The following TAFA1 variants were observed in gnomAD, a reference collection of about 807,000 sequenced individuals.
The protein encoded by TAFA1 is chemokine-like protein TAFA-1.
Under a neutral mutation model 18.5 loss-of-function variants are expected in TAFA1, and 4 were observed. The ratio of observed to expected loss-of-function variants is 0.22; its 90% confidence interval spans 0.11 to 0.49. TAFA1 has a LOEUF of 0.49. TAFA1 is among the 20% of genes least tolerant of loss of function. The pLI is 0.98. For synonymous variants in TAFA1, 56 were observed against 55.2 expected (o/e 1.01, Z -0.06); for missense variants, 147 against 169.0 (o/e 0.87, Z 0.72).
In TAFA1 at chr3:68,331,856, CTTTTTTTTTT is replaced by C. The variant is rs60291932; in HGVS notation, c.119-85408_119-85399del. ...TGGGTAAAGGATAGTCTTTTCTTTT[CTTTTTTTTTT>C]TTTTTTTTTTTTTTTGAGACGGAGT... On this transcript the variant is annotated intron_variant, in intron 2 of 4. Coordinates refer to ENST00000478136, the MANE Select transcript of TAFA1 (RefSeq NM_213609.4). Among the ~76,000 whole-genome samples, 243 of 76,218 alleles carry C rather than the reference CTTTTTTTTTT, an allele frequency of 3.2e-3. 2 individuals are homozygous for C. In the Admixed American group the frequency reaches 0.034, roughly 11 times the overall value. 50.0% of individuals were successfully genotyped at this position (76,218 alleles called of 152,430 possible).
chr3:68,541,323 TA>T, intron 4 of TAFA1, among the ~76,000 whole-genome samples: 1 of 152,180 alleles, frequency 6.6e-6, no homozygotes, highest in Non-Finnish European at 1.5e-5. Context: ...GAGCACCAAC[TA>T]AGTCCAGATG....
chr3:68,063,596 G>A (rs913251749), intron 2 of TAFA1, among the ~76,000 whole-genome samples: 2 of 151,960 alleles, frequency 1.3e-5, no homozygotes, highest in African/African-American at 2.4e-5. Context: ...GAAATCTCAG[G>A]TATTTTTATA....
At chr3:68,535,375 C>T (rs1195128967) in intron 3 of TAFA1, among the ~76,000 whole-genome samples, 1 of 147,708 alleles carries the variant, frequency 6.8e-6, no homozygotes, top group East Asian at 2.1e-4. Context: ...AGAGCACTGC[C>T]ATCAAAAAGA....
At chr3:68,463,411 C>T (rs1321932439) in intron 3 of TAFA1, among the ~76,000 whole-genome samples, 1 of 152,130 alleles carries the variant, frequency 6.6e-6, no homozygotes, top group East Asian at 1.9e-4. Flanking sequence ...ATAAGGTTTT[C>T]ATCAAAAAGT....
At chr3:68,002,537 A>G (rs1430175826), upstream of TAFA1, among the ~76,000 whole-genome samples, 1 of 152,204 alleles carries the variant, frequency 6.6e-6, no homozygotes, top group Non-Finnish European at 1.5e-5. Flanking sequence ...ACCAACAACA[A>G]TCACGGGGCA....
At chr3:68,356,724 A>G (rs919731486) in intron 2 of TAFA1, among the ~76,000 whole-genome samples, 27 of 151,988 alleles carry the variant, frequency 1.8e-4, no homozygotes, top group African/African-American at 6.3e-4. Flanking sequence ...CTTTTGACTC[A>G]CGATGATTGC....
chr3:68,046,087 T>A (rs922030415), intron 2 of TAFA1, among the ~76,000 whole-genome samples: 6 of 152,184 alleles, frequency 3.9e-5, no homozygotes, highest in Admixed American at 1.3e-4. Context: ...CTTATCTCCA[T>A]TATTTATGTA....
At chr3:68,053,106 C>T (rs554538815) in intron 2 of TAFA1, among the ~76,000 whole-genome samples, 6 of 152,264 alleles carry the variant, frequency 3.9e-5, no homozygotes, top group Admixed American at 3.9e-4. Flanking sequence ...AAACTTCATC[C>T]AGCATTCTAT....
chr3:68,225,519 CATCTT>C (rs973735451), intron 2 of TAFA1, among the ~76,000 whole-genome samples: 12 of 152,164 alleles, frequency 7.9e-5, no homozygotes, highest in African/African-American at 2.7e-4. Flanking sequence ...TGTCTCCTCT[CATCTT>C]GTCTGCCCTC....
chr3:68,141,374 ATCC>A (rs1330654974), intron 2 of TAFA1, among the ~76,000 whole-genome samples: 2 of 152,144 alleles, frequency 1.3e-5, no homozygotes, highest in African/African-American at 4.8e-5. Flanking sequence ...TTCCATAATC[ATCC>A]TCATTATATG....
intron 2 of TAFA1, among the ~76,000 whole-genome samples, chr3:68,282,420 T>TA (rs75417448): frequency 6.0e-5 from 9 of 150,926 alleles, no homozygotes; most frequent in South Asian, 2.1e-4. Flanking sequence ...AAATGTGTCA[T>TA]AAAAAAAAAA....
intron 2 of TAFA1, among the ~76,000 whole-genome samples, chr3:68,212,351 T>C (rs1447786185): frequency 6.6e-6 from 1 of 152,016 alleles, no homozygotes; most frequent in Non-Finnish European, 1.5e-5. Flanking sequence ...CTAAATTTAA[T>C]GGCAGCCATT....
chr3:68,273,338 G>A lies in TAFA1; in HGVS notation c.119-143942G>A, dbSNP rs79840814. ...GTGGTAGAAGTTGCAGTTGGAGAAAGGAAGAGGCCAGATCACACGTGGCCT... is the reference window on the plus strand; with the variant it reads ...GTGGTAGAAGTTGCAGTTGGAGAAAAGAAGAGGCCAGATCACACGTGGCCT... On this transcript the variant is annotated intron_variant, in intron 2 of 4. Transcript: ENST00000478136. Among the ~76,000 whole-genome samples the A allele has an allele frequency of 7.3e-3, 1,110 of 152,288 alleles. 37 individuals carry two copies. In the East Asian group the frequency reaches 0.099, roughly 14 times the overall value.
chr3:68,424,712 G>T (rs2071020956), intron 3 of TAFA1, among the ~76,000 whole-genome samples: 2 of 152,140 alleles, frequency 1.3e-5, no homozygotes, highest in Middle Eastern at 3.4e-3. Flanking sequence ...TGAGATATAT[G>T]TGAGAAGGAT....
At chr3:68,423,276 C>G (rs571122910) in intron 3 of TAFA1, among the ~76,000 whole-genome samples, 1 of 152,116 alleles carries the variant, frequency 6.6e-6, no homozygotes, top group Non-Finnish European at 1.5e-5. Flanking sequence ...AATTCTAACT[C>G]TAACCCTATA....
At chr3:68,412,098 A>G (rs192039968) in intron 2 of TAFA1, among the ~76,000 whole-genome samples, 77 of 152,318 alleles carry the variant, frequency 5.1e-4, no homozygotes, top group African/African-American at 1.9e-3. Flanking sequence ...TCATGTGTGT[A>G]AATCCACCAT....
chr3:68,402,123 T>G (rs2070506032), intron 2 of TAFA1, among the ~76,000 whole-genome samples: 1 of 152,224 alleles, frequency 6.6e-6, no homozygotes, highest in African/African-American at 2.4e-5. Context: ...AAACTAGCTC[T>G]GCAGTTTGAA....
In TAFA1 at chr3:68,059,466, C is replaced by T. The variant is rs114328090; in HGVS notation, c.118+52722C>T. On this transcript the variant is annotated intron_variant, in intron 2 of 4. Coordinates refer to ENST00000478136, the MANE Select transcript of TAFA1 (RefSeq NM_213609.4). ...GAGCTCAGGGAGCCAGGCTGCACAG[C>T]CTATATTCTACCTACTAATAAGCTA... Among the ~76,000 whole-genome samples, 1,481 of 152,230 alleles carry T rather than the reference C, an allele frequency of 9.7e-3. 33 individuals are homozygous for T. Among genetic ancestry groups the T allele is most frequent in the African/African-American group, 0.034 (1,411 of 41,540 alleles).
At chr3:68,215,102 G>C (rs924319056) in intron 2 of TAFA1, among the ~76,000 whole-genome samples, 1 of 152,016 alleles carries the variant, frequency 6.6e-6, no homozygotes, top group African/African-American at 2.4e-5. Context: ...AGGTTTCACT[G>C]TGAATTTATG....
Sources: gnomAD v4.1 joint callset for allele counts (sites outside exome capture counted in the v4.1 genomes callset) on GRCh38, gnomAD v4.1.1 for gene constraint, MANE v1.5 for transcripts, NCBI Gene and HGNC (gene_info 2026-07-23, HGNC 2026-07-21) for gene names.